The following SND1 variants were observed in gnomAD, a reference collection of about 807,000 sequenced individuals.
SND1 encodes the protein staphylococcal nuclease and tudor domain containing 1.
A neutral mutation model predicts 121.7 loss-of-function variants in SND1; 38 were observed. The observed-to-expected ratio is 0.31, with a 90% CI of 0.24 to 0.41. The LOEUF (loss-of-function observed/expected upper bound fraction) is 0.41. SND1 is among the 10% of genes least tolerant of loss of function. The pLI is 1.00. For missense variants in SND1, 868 were observed against 1,184.6 expected (o/e 0.73, Z 3.92); for synonymous variants, 401 against 447.4 (o/e 0.90, Z 1.31).
At chr7:128,055,011 G>T (rs1043285393) in intron 16 of SND1, among the ~76,000 whole-genome samples, 17 of 152,190 alleles carry the variant, frequency 1.1e-4, no homozygotes, top group Admixed American at 2.0e-4. Context: ...ATATCTGCCC[G>T]ATCTATTGGC....
intron 10 of SND1, among the ~76,000 whole-genome samples, chr7:127,734,874 G>A (rs1381843365): frequency 6.6e-6 from 1 of 152,228 alleles, no homozygotes; most frequent in Non-Finnish European, 1.5e-5. Flanking sequence ...GCACAGATGT[G>A]ATTTAAAAGT....
At chr7:127,887,446 C>T (rs552213403) in intron 12 of SND1, among the ~76,000 whole-genome samples, 4 of 152,074 alleles carry the variant, frequency 2.6e-5, no homozygotes, top group East Asian at 1.9e-4. Flanking sequence ...ATGTTTCTAA[C>T]GTTGCCAAAC....
chr7:127,686,462 A>G (rs1179540865), intron 1 of SND1, 151 bp from the exon 2 acceptor site: 1 of 784,342 alleles, frequency 1.3e-6, no homozygotes, highest in Non-Finnish European at 1.9e-6. Flanking sequence ...AATTAAAAAC[A>G]ATCCTGTTTA....
At chr7:127,917,006 G>C (rs1800593204) in intron 14 of SND1, among the ~76,000 whole-genome samples, 1 of 152,230 alleles carries the variant, frequency 6.6e-6, no homozygotes, top group Non-Finnish European at 1.5e-5. Context: ...AGTGTGCACT[G>C]ATGGAGAAAG....
At chr7:128,002,158 G>A (rs946001503) in intron 16 of SND1, among the ~76,000 whole-genome samples, 1 of 152,202 alleles carries the variant, frequency 6.6e-6, no homozygotes, top group African/African-American at 2.4e-5. Flanking sequence ...CCCTATTCGG[G>A]TTGTCCACCC....
intron 16 of SND1, among the ~76,000 whole-genome samples, chr7:128,020,773 A>G (rs1332448574): frequency 6.6e-6 from 1 of 152,166 alleles, no homozygotes; most frequent in Non-Finnish European, 1.5e-5. Context: ...GGCACAATGG[A>G]TGAAACAGCA....
chr7:127,707,472 G>A (rs532562346), intron 8 of SND1, 85 bp from the exon 9 acceptor site: 1 of 1,000,626 alleles, frequency 1.0e-6, no homozygotes, highest in South Asian at 1.3e-5. Context: ...GGTAGAGTAG[G>A]ATGCTGCACC....
chr7:127,844,380 TG>T lies in SND1; in HGVS notation c.1300del (p.Ala434ProfsTer15), dbSNP rs1431258030. 6.2e-7 allele frequency: 1 copy of T among 1,613,610 alleles called. No individual in the cohort carries two copies. The highest frequency in any genetic ancestry group is 8.5e-7 in the Non-Finnish European group (1 of 1,179,782). The stretch of plus-strand genomic sequence containing the variant: ...CCAGCCCAGCCACAGAGACAGTGCC[TG>T]CCTTTTCAGAGCGTACCTGTGCCAC... Reference protein sequence around the residue: ...PASPATETVPAFSERTCATVT... With the variant: ...PASPATETVPXFSERTCATVT... On this transcript the variant is annotated frameshift_variant, in exon 12 of 24. Transcript: ENST00000354725. LOFTEE classifies it high-confidence loss of function.
rs552873253 is a variant in SND1 at position 127,686,609 on chromosome 7, G to A, written c.79-4G>A. 8.4e-5 allele frequency: 136 copies of A among 1,613,222 alleles called. No individual in the cohort carries two copies. The highest frequency in any genetic ancestry group is 8.3e-4 in the Admixed American group (50 of 59,970). Reference sequence around the variant, plus strand: ...TTCATTTTCTCTTTCTTCCCCCTACGTAGGTCCTCTCAGGGTGCGCCATCA... The same window carrying A: ...TTCATTTTCTCTTTCTTCCCCCTACATAGGTCCTCTCAGGGTGCGCCATCA... On this transcript the variant is annotated splice_polypyrimidine_tract_variant and splice_region_variant and intron_variant, in intron 1 of 23. Transcript: ENST00000354725.
At position 127,753,438 on chromosome 7, in the gene SND1, AT is replaced by A. The variant is rs555674653; in HGVS notation, c.1152+32046del. On this transcript the variant is annotated intron_variant, in intron 10 of 23. Transcript: ENST00000354725. The stretch of plus-strand genomic sequence containing the variant: ...TTGGCCTGAAAATTGAGATGTTGAT[AT>A]TTTTTTTCTAAACTTTTTTTTTTTT... Among the ~76,000 whole-genome samples, 388 of 150,588 alleles carry A rather than the reference AT, an allele frequency of 2.6e-3. 3 individuals are homozygous for A. The Middle Eastern group carries it at 0.031, about 12-fold the overall frequency.
chr7:127,889,144 G>A (rs1413627169), intron 13 of SND1, among the ~76,000 whole-genome samples: 2 of 151,970 alleles, frequency 1.3e-5, no homozygotes, highest in Non-Finnish European at 2.9e-5. Flanking sequence ...TCATTCTTAA[G>A]TACAAAGAAT....
intron 10 of SND1, among the ~76,000 whole-genome samples, chr7:127,745,922 G>A (rs893556122): frequency 2.2e-4 from 34 of 152,194 alleles, no homozygotes; most frequent in Non-Finnish European, 7.3e-5. Context: ...TCCAACAGAG[G>A]CCCTAACTTC....
Position 127,721,368 on chromosome 7 carries a change from C to T in SND1, c.1120C>T (p.Arg374Ter). 6.2e-7 allele frequency: 1 copy of T among 1,612,386 alleles called. No individual in the cohort carries two copies. The highest frequency in any genetic ancestry group is 8.5e-7 in the Non-Finnish European group (1 of 1,179,432). ...DYKTIHLSSI[R>*]PPRLEGENTQ... ...CAAGACGATTCACCTGTCCAGCATC[C>T]GACCACCGAGGCTGGAGGGGGAGAA... Residue 374 changes from arginine (R) to a stop codon, truncating the protein, a stop_gained, in exon 10 of 24, where the codon CGA (arginine) becomes TGA (stop). Transcript: ENST00000354725. LOFTEE classifies it high-confidence loss of function.
chr7:127,725,533 T>C (rs1197873314), intron 10 of SND1, among the ~76,000 whole-genome samples: 1 of 152,176 alleles, frequency 6.6e-6, no homozygotes, highest in South Asian at 2.1e-4. Flanking sequence ...AGGGCATTTT[T>C]TGGAAATTGA....
chr7:127,913,323 G>A (rs890298293), intron 14 of SND1, among the ~76,000 whole-genome samples: 2 of 152,164 alleles, frequency 1.3e-5, no homozygotes, highest in South Asian at 2.1e-4. Context: ...TTCACAAACA[G>A]GAGTGCATGC....
At chr7:128,066,839 G>A (rs887655226) in intron 16 of SND1, among the ~76,000 whole-genome samples, 11 of 152,144 alleles carry the variant, frequency 7.2e-5, no homozygotes, top group Non-Finnish European at 1.6e-4. Context: ...TGCATGGCAG[G>A]AAAGGACCCA....
intron 1 of SND1, among the ~76,000 whole-genome samples, chr7:127,677,787 A>G (rs1189153198): frequency 2.0e-5 from 3 of 152,250 alleles, no homozygotes; most frequent in Admixed American, 2.0e-4. Flanking sequence ...CCAACCTTTT[A>G]AAAATGTAAA....
chr7:127,971,618 C>G (rs752553601), intron 15 of SND1, among the ~76,000 whole-genome samples: 27 of 152,116 alleles, frequency 1.8e-4, no homozygotes, highest in Non-Finnish European at 3.5e-4. Flanking sequence ...GCCTCTCTCC[C>G]CTAAGCCCAT....
intron 16 of SND1, chr7:128,030,221 G>A (rs966138053): frequency 3.0e-5 from 49 of 1,614,096 alleles, no homozygotes; most frequent in South Asian, 4.4e-5. Flanking sequence ...CAAAGGCCCC[G>A]CTAGGGATGA....
Sources: allele counts gnomAD v4.1 joint callset (sites outside exome capture counted in the v4.1 genomes callset), GRCh38; gene constraint gnomAD v4.1.1; transcripts MANE v1.5; gene names NCBI Gene and HGNC (gene_info 2026-07-23, HGNC 2026-07-21).